Variants in IL12RB1 observed in about 807,000 individuals in gnomAD.
IL12RB1 encodes the protein interleukin 12 receptor subunit beta 1, also known as interleukin-12 receptor subunit beta-1.
Under a neutral mutation model 94.4 loss-of-function variants are expected in IL12RB1, and 64 were observed. The ratio of observed to expected loss-of-function variants is 0.68; its 90% CI spans 0.55 to 0.83. The LOEUF (loss-of-function observed/expected upper bound fraction) is 0.83, where lower values mean the gene tolerates loss of function less well. Among genes scored for constraint, IL12RB1 ranks in the 40% least tolerant of loss-of-function variants. The pLI, the probability that IL12RB1 is intolerant of heterozygous loss-of-function variation, is 0.00. For synonymous variants in IL12RB1, 362 were observed against 355.5 expected, an observed-to-expected ratio of 1.02 and a Z score of -0.21; for missense variants, 814 against 855.6, an observed-to-expected ratio of 0.95 and a Z score of 0.61.
In IL12RB1 at chr19:18,069,784, G is replaced by A. The variant is rs556995414; in HGVS notation, c.1022-71C>T. On this transcript the variant is annotated intron_variant, in intron 9 of 16. Transcript: ENST00000593993. ...TCCCCAGTCCCCTTCTCTGGCTCCT[G>A]CAGCCTCTCTCCCACCCTCTCGTCT... The A allele has an allele frequency of 9.6e-5, 108 of 1,121,170 alleles. No homozygotes were observed. The African/African-American group carries it at 1.4e-3, about 15-fold the overall frequency. 69.5% of individuals were successfully genotyped at this position (1,121,170 alleles called of 1,614,324 possible).
upstream of IL12RB1, among the ~76,000 whole-genome samples, chr19:18,088,401 A>ATATATATATATATATATATG: frequency 6.8e-6 from 1 of 146,472 alleles, no homozygotes; most frequent in African/African-American, 2.6e-5. Context: ...ATATATATAT[A>ATATATATATATATATATATG]TATAAATTAA....
intron 1 of IL12RB1, among the ~76,000 whole-genome samples, chr19:18,094,788 C>G (rs1451404422): frequency 6.8e-6 from 1 of 146,862 alleles, no homozygotes; most frequent in Non-Finnish European, 1.5e-5. Flanking sequence ...AGAGCAAGAC[C>G]CTGTCCCAAA....
At chr19:18,078,491 CTT>C (rs1366174956) in intron 4 of IL12RB1, among the ~76,000 whole-genome samples, 2 of 151,778 alleles carry the variant, frequency 1.3e-5, no homozygotes, top group Admixed American at 6.6e-5. Context: ...GTGAAGATAA[CTT>C]TAAAATATTA....
At chr19:18,069,015 G>A (rs1211116547) in intron 10 of IL12RB1, among the ~76,000 whole-genome samples, 1 of 147,468 alleles carries the variant, frequency 6.8e-6, no homozygotes, top group African/African-American at 2.4e-5. Flanking sequence ...CTCCCAAAGT[G>A]CTGGGATTAC....
Position 18,061,161 on chromosome 19 carries a change from G to A in IL12RB1, c.1752C>T (p.Pro584=). Residue 584 remains proline, a synonymous_variant, in exon 15 of 17, where the codon CCC becomes CCT. Coordinates refer to ENST00000593993, the MANE Select transcript of IL12RB1 (RefSeq NM_005535.3). ...GGAACTCAATGGCGGAGCTGGCACA[G>A]GGTGTGGGCAGCGGCGGGCACAGGT... ...ARHLCPPLPT[P]CASSAIEFPG... The A allele has an allele frequency of 6.2e-7, 1 of 1,603,802 alleles. No homozygotes were observed. The highest frequency in any genetic ancestry group is 1.7e-5 in the Admixed American group (1 of 58,834).
In IL12RB1 at chr19:18,072,318, T is replaced by C. The variant is rs1440358498; in HGVS notation, c.815A>G (p.Gln272Arg). 2 of 1,613,886 alleles carry C rather than the reference T, an allele frequency of 1.2e-6. No individual in the cohort carries two copies. The highest frequency in any genetic ancestry group is 1.7e-6 in the Non-Finnish European group (2 of 1,179,980). Reference sequence around the variant, plus strand: ...GACCTCCGTGCCAGGCGCCAGCCCTTGACAGCCTTCTGGAAGCTCCAGCTG... The same window carrying C: ...GACCTCCGTGCCAGGCGCCAGCCCTCGACAGCCTTCTGGAAGCTCCAGCTG... Reference protein sequence around the residue: ...PTQLELPEGCQGLAPGTEVTY... With the variant: ...PTQLELPEGCRGLAPGTEVTY... Residue 272 changes from glutamine (Q) to arginine (R), a missense_variant, in exon 9 of 17, where the codon CAA becomes CGA. By Grantham distance (43) the Gln-to-Arg change is conservative. Coordinates refer to ENST00000593993, the MANE Select transcript of IL12RB1 (RefSeq NM_005535.3).
At chr19:18,098,197 T>C (rs891663787) in intron 1 of IL12RB1, among the ~76,000 whole-genome samples, 1 of 152,160 alleles carries the variant, frequency 6.6e-6, no homozygotes, top group East Asian at 1.9e-4. Context: ...TGTATTAATA[T>C]GAGTTCATAT....
intron 7 of IL12RB1, among the ~76,000 whole-genome samples, chr19:18,075,487 C>A (rs901685912): frequency 2.0e-5 from 3 of 152,094 alleles, no homozygotes; most frequent in African/African-American, 7.2e-5. Context: ...TCTCGAACTC[C>A]TGACCTCAAG....
intron 12 of IL12RB1, among the ~76,000 whole-genome samples, chr19:18,065,970 T>C (rs1422430290): frequency 1.1e-4 from 16 of 148,908 alleles, no homozygotes; most frequent in Admixed American, 8.7e-4. Flanking sequence ...GCCCAGGAGG[T>C]TGAGGCTGCT....
chr19:18,087,294 C>T (rs2036411513), upstream of IL12RB1, among the ~76,000 whole-genome samples: 1 of 151,328 alleles, frequency 6.6e-6, no homozygotes, highest in Non-Finnish European at 1.5e-5. Context: ...ACTGCAACTT[C>T]TGCCTCCCGG....
chr19:18,095,816 CCTTCCTAG>C (rs1219355561), intron 1 of IL12RB1, among the ~76,000 whole-genome samples: 1 of 151,986 alleles, frequency 6.6e-6, no homozygotes, highest in African/African-American at 2.4e-5. Context: ...GCCCAGTGAC[CCTTCCTAG>C]GGTCCCCTCG....
intron 16 of IL12RB1, 55 bp from the exon 17 acceptor site, chr19:18,059,668 A>T (rs1599429923): frequency 2.6e-6 from 2 of 779,742 alleles, no homozygotes; most frequent in East Asian, 4.9e-5. Flanking sequence ...GGGATTTGGT[A>T]GGGAATCATG....
chr19:18,072,900 T>C (rs942359393), intron 8 of IL12RB1, among the ~76,000 whole-genome samples: 3 of 134,620 alleles, frequency 2.2e-5, no homozygotes, highest in African/African-American at 5.7e-5. Flanking sequence ...TGAGCCGAGA[T>C]GGCGCCACTG....
chr19:18,070,979 G>A (rs1568497432), intron 9 of IL12RB1: 2 of 175,932 alleles, frequency 1.1e-5, no homozygotes, highest in Non-Finnish European at 1.2e-5. Context: ...GCTCACACCT[G>A]TAATCCCAGC....
intron 7 of IL12RB1, among the ~76,000 whole-genome samples, chr19:18,074,359 C>T (rs536119688): frequency 6.6e-6 from 1 of 152,268 alleles, no homozygotes; most frequent in South Asian, 2.1e-4. Flanking sequence ...GTTGCCCAGG[C>T]TCAGGGCAGC....
chr19:18,068,017 CTT>C (rs1216685125), intron 11 of IL12RB1, among the ~76,000 whole-genome samples: 7 of 59,860 alleles, frequency 1.2e-4, no homozygotes, highest in East Asian at 5.2e-4. Flanking sequence ...CAGCATTGTC[CTT>C]TTTTTTTTTT....
chr19:18,083,257 G>A, intron 2 of IL12RB1, 175 bp downstream of exon 2: 4 of 716,738 alleles, frequency 5.6e-6, no homozygotes, highest in Admixed American at 2.0e-5. Flanking sequence ...GGCTACTCCA[G>A]GGCAACTTGA....
rs765989979 is a variant in IL12RB1 at position 18,076,297 on chromosome 19, C to T, written c.580G>A (p.Glu194Lys). ...TTGTCATTACTATTATTATTCTCACCAGTATCATCATCCTGAGGTCCGCAG... is the reference window on the plus strand; with the variant it reads ...TTGTCATTACTATTATTATTCTCACTAGTATCATCATCCTGAGGTCCGCAG... ...GDCGPQDDDT[E>K]SCLCPLEMNV... Residue 194 changes from glutamate to lysine, a missense_variant and splice_region_variant, in exon 6 of 17, where the codon GAG becomes AAG. Coordinates refer to ENST00000593993, the MANE Select transcript of IL12RB1 (RefSeq NM_005535.3). 1 of 1,390,916 alleles carries T rather than the reference C, an allele frequency of 7.2e-7. No individual in the cohort carries two copies. Among genetic ancestry groups the T allele is most frequent in the Non-Finnish European group, 1.0e-6 (1 of 976,064 alleles). The allele number at this position is 1,390,916 out of a possible 1,614,324, so 86.2% of individuals were successfully genotyped here.
chr19:18,077,185 C>T (rs528860531), intron 5 of IL12RB1, among the ~76,000 whole-genome samples: 2 of 152,202 alleles, frequency 1.3e-5, no homozygotes, highest in African/African-American at 4.8e-5. Flanking sequence ...TGGCGAAACC[C>T]CGTCTCTACT....
Sources: allele counts gnomAD v4.1 joint callset (sites outside exome capture counted in the v4.1 genomes callset), GRCh38; gene constraint gnomAD v4.1.1; transcripts MANE v1.5; gene names NCBI Gene and HGNC (gene_info 2026-07-23, HGNC 2026-07-21).